RGR: variants seen among roughly 807,000 people sequenced by gnomAD.
The protein encoded by RGR is retinal G protein coupled receptor, also known as RPE-retinal G protein-coupled receptor.
RGR carries 30 observed loss-of-function variants against 28.6 expected under a neutral mutation model. That is an observed-to-expected ratio of 1.05 (90% CI 0.78 to 1.42). RGR has a LOEUF of 1.42. Among genes scored for constraint, RGR ranks in the 40% most tolerant of loss-of-function variants. RGR has a pLI of 0.00. For synonymous variants in RGR, 180 were observed against 156.4 expected (o/e 1.15, Z -1.13); for missense variants, 404 against 375.6 (o/e 1.08, Z -0.62).
Position 84,245,233 on chromosome 10 carries a change from G to C in RGR, c.79+64G>C, listed in dbSNP as rs542220436. On this transcript the variant is annotated intron_variant, in intron 1 of 6. Coordinates refer to ENST00000652092, the MANE Select transcript of RGR (RefSeq NM_001012720.2). ...TGGGTTCTGAGGACCCAGGCCACCA[G>C]TGTGGAGCTGGCAAGGAGAGGAGAG... 5.9e-6 allele frequency: 9 copies of C among 1,536,304 alleles called. No homozygotes were observed. In the African/African-American group the frequency reaches 8.2e-5, roughly 14 times the overall value.
rs1842760336 is a variant in RGR, at chr10:84,247,466, C to T, written c.80-125C>T. On this transcript the variant is annotated intron_variant, in intron 1 of 6. Coordinates refer to ENST00000652092, the MANE Select transcript of RGR (RefSeq NM_001012720.2). The stretch of plus-strand genomic sequence containing the variant: ...GACTGTTATAGCATGAAGCATGCTA[C>T]CCTATATTGATTGTCTTCCTTGTCT... The T allele has an allele frequency of 4.4e-6, 5 of 1,133,100 alleles. No homozygotes were observed. In the South Asian group the frequency reaches 6.2e-5, roughly 14 times the overall value. The allele number at this position is 1,133,100 out of a possible 1,614,324, so 70.2% of individuals were successfully genotyped here.
At chr10:84,250,319 T>G in intron 3 of RGR, 1 of 717,042 alleles carries the variant, frequency 1.4e-6, no homozygotes, top group Non-Finnish European at 2.6e-6. Flanking sequence ...TAGTCACATG[T>G]ATAGCCCCCT....
intron 3 of RGR, chr10:84,250,449 G>A: frequency 1.4e-6 from 1 of 716,454 alleles, no homozygotes; most frequent in South Asian, 1.5e-5. Context: ...TGTCCACTTG[G>A]CCTCAGAGCA....
rs538952887 is a variant in RGR, at chr10:84,255,912, C to T, written c.630+1469C>T. Among the ~76,000 whole-genome samples the T allele has an allele frequency of 2.7e-5, 4 of 150,250 alleles. No homozygotes were observed. The South Asian group carries it at 6.3e-4, about 24-fold the overall frequency. The stretch of plus-strand genomic sequence containing the variant: ...CCTAATTTTGTATTTTTGGTAGAGA[C>T]GGGGTTTCTCCATGTTGGCCAGGCT... On this transcript the variant is annotated intron_variant, in intron 5 of 6. Coordinates refer to ENST00000652092, the MANE Select transcript of RGR (RefSeq NM_001012720.2).
intron 3 of RGR, among the ~76,000 whole-genome samples, chr10:84,252,610 T>C (rs1213817888): frequency 1.3e-5 from 2 of 152,210 alleles, no homozygotes; most frequent in African/African-American, 4.8e-5. Context: ...GAGCTGGGGT[T>C]CTCATTTTGG....
At chr10:84,246,145 G>A (rs1842743756) in intron 1 of RGR, among the ~76,000 whole-genome samples, 1 of 152,110 alleles carries the variant, frequency 6.6e-6, no homozygotes, top group Non-Finnish European at 1.5e-5. Context: ...TTTGGAAGGG[G>A]TTTAAATTTA....
At chr10:84,253,766 G>T (rs922821615) in intron 4 of RGR, among the ~76,000 whole-genome samples, 1 of 152,118 alleles carries the variant, frequency 6.6e-6, no homozygotes, top group Non-Finnish European at 1.5e-5. Flanking sequence ...CCCCAGCCAG[G>T]GTCCAGTCCT....
Position 84,258,882 on chromosome 10 carries a change from A to T in RGR, c.*243A>T. The stretch of plus-strand genomic sequence containing the variant: ...GGCCTCAGGAAAGTCATTCCTTTTT[A>T]AAAATAATAATAAATGTAAGGGGGT... On this transcript the variant is annotated 3_prime_UTR_variant, in exon 7 of 7. Transcript: ENST00000652092. 1.9e-6 allele frequency: 1 copy of T among 531,664 alleles called. No homozygotes were observed. Among genetic ancestry groups the T allele is most frequent in the East Asian group, 3.5e-5 (1 of 28,974 alleles). The allele number at this position is 531,664 out of a possible 1,614,324, so 32.9% of individuals were successfully genotyped here.
intron 1 of RGR, among the ~76,000 whole-genome samples, chr10:84,246,948 C>T (rs1842753761): frequency 6.6e-6 from 1 of 152,202 alleles, no homozygotes; most frequent in Non-Finnish European, 1.5e-5. Flanking sequence ...TCCTGGAATG[C>T]TCTTCCATGC....
chr10:84,256,413 A>G (rs1842888335), intron 5 of RGR, among the ~76,000 whole-genome samples: 2 of 152,094 alleles, frequency 1.3e-5, no homozygotes, highest in South Asian at 2.1e-4. Flanking sequence ...GATGGGGGTT[A>G]ACTAAGCAAC....
chr10:84,256,824 T>C (rs1294012445), intron 5 of RGR, among the ~76,000 whole-genome samples: 1 of 152,096 alleles, frequency 6.6e-6, no homozygotes, highest in Non-Finnish European at 1.5e-5. Context: ...CTTTAAACCA[T>C]TGTCTCTGGT....
intron 5 of RGR, chr10:84,255,568 A>T (rs1057338938): frequency 5.3e-5 from 8 of 152,172 alleles, no homozygotes; most frequent in Admixed American, 4.6e-4. Flanking sequence ...TTAGTTTCTG[A>T]ATTACTATTC....
In RGR at chr10:84,251,716, C is replaced by A. The variant is rs1372187679; in HGVS notation, c.359-1141C>A. Among the ~76,000 whole-genome samples, 3 of 152,306 alleles carry A rather than the reference C, an allele frequency of 2.0e-5. No individual in the cohort carries two copies. The East Asian group carries it at 5.8e-4, about 29-fold the overall frequency. On this transcript the variant is annotated intron_variant, in intron 3 of 6. Transcript: ENST00000652092. ...ATGCAGCATGTCCAGCTAATTGTGT[C>A]CCTTCTTATAAGGGCACTAATCACA...
chr10:84,246,627 G>C (rs1270978708), intron 1 of RGR, among the ~76,000 whole-genome samples: 2 of 151,998 alleles, frequency 1.3e-5, no homozygotes, highest in Admixed American at 1.3e-4. Flanking sequence ...CCATTCATTG[G>C]TCAGTGGGCA....
chr10:84,258,822 G>A lies in RGR; in HGVS notation c.*183G>A, dbSNP rs1842921240. ...CACAGAAAGAGCCAGATGGACCTGA[G>A]TGTCGGTCACAGCCCCCTACACTCA... On this transcript the variant is annotated 3_prime_UTR_variant, in exon 7 of 7. Transcript: ENST00000652092. 1 of 828,668 alleles carries A rather than the reference G, an allele frequency of 1.2e-6. No homozygotes were observed. The highest frequency in any genetic ancestry group is 2.7e-5 in the East Asian group (1 of 36,578). The allele number at this position is 828,668 out of a possible 1,614,324, so 51.3% of individuals were successfully genotyped here.
At position 84,254,389 on chromosome 10, in the gene RGR, G is replaced by A. The variant is rs752236209; in HGVS notation, c.576G>A (p.Thr192=). 1.4e-5 allele frequency: 22 copies of A among 1,613,892 alleles called. No individual in the cohort carries two copies. The highest frequency in any genetic ancestry group is 4.0e-5 in the African/African-American group (3 of 74,850). ...ACTTCGCCATGCCCCTCTTCATCAC[G>A]ATCACTTCCTACAGTCTCATGGAGC... ...FFNFAMPLFI[T]ITSYSLMEQK... Residue 192 remains threonine, a synonymous_variant, in exon 5 of 7, where the codon ACG becomes ACA. Coordinates refer to ENST00000652092, the MANE Select transcript of RGR (RefSeq NM_001012720.2).
At position 84,252,971 on chromosome 10, in the gene RGR, T is replaced by A. The variant is rs2132884242; in HGVS notation, c.473T>A (p.Leu158Gln). 6.2e-7 allele frequency: 1 copy of A among 1,613,984 alleles called. No homozygotes were observed. Among genetic ancestry groups the A allele is most frequent in the Non-Finnish European group, 8.5e-7 (1 of 1,180,026 alleles). ...TGGGGTCACTACGACTATGAGCCAC[T>A]GGGGACATGCTGCACCCTGGACTAC... Reference protein sequence around the residue: ...LGWGHYDYEPLGTCCTLDYSK... With the variant: ...LGWGHYDYEPQGTCCTLDYSK... Residue 158 changes from leucine to glutamine, a missense_variant, in exon 4 of 7, where the codon CTG becomes CAG. Physicochemically the swap from Leu to Gln is moderately radical, Grantham distance 113. Coordinates refer to ENST00000652092, the MANE Select transcript of RGR (RefSeq NM_001012720.2).
chr10:84,251,842 G>A (rs1050357313), intron 3 of RGR, among the ~76,000 whole-genome samples: 4 of 152,124 alleles, frequency 2.6e-5, no homozygotes, highest in African/African-American at 7.2e-5. Context: ...AATTTGAGGG[G>A]ACACAAACAT....
chr10:84,257,988 C>T lies in RGR; in HGVS notation c.726C>T (p.Ile242=). Residue 242 remains isoleucine, a synonymous_variant, in exon 6 of 7, where the codon ATC becomes ATT. Transcript: ENST00000652092. ...LYAVIADVTS[I]SPKLQMVPAL... is the part of the protein sequence containing the mutation. ...CAGTCATCGCAGACGTGACTTCCAT[C>T]TCCCCCAAACTGCAGATGGTACAGA... 6.2e-7 allele frequency: 1 copy of T among 1,614,126 alleles called. No individual in the cohort carries two copies. Among genetic ancestry groups the T allele is most frequent in the Non-Finnish European group, 8.5e-7 (1 of 1,179,984 alleles).
Sources: gnomAD v4.1 joint callset for allele counts (sites outside exome capture counted in the v4.1 genomes callset) on GRCh38, gnomAD v4.1.1 for gene constraint, MANE v1.5 for transcripts, NCBI Gene and HGNC (gene_info 2026-07-23, HGNC 2026-07-21) for gene names.